The following CEP57L1 variants were observed in gnomAD, a reference collection of about 807,000 sequenced individuals.
CEP57L1 encodes centrosomal protein CEP57L1.
In CEP57L1, 37 loss-of-function variants were observed where a neutral mutation model predicts 61.0. The ratio of observed to expected loss-of-function variants is 0.61; its 90% CI spans 0.47 to 0.80. The LOEUF (loss-of-function observed/expected upper bound fraction) is 0.80. Among genes scored for constraint, CEP57L1 ranks in the 30% least tolerant of loss-of-function variants. The pLI is 0.00. For missense variants in CEP57L1, 422 were observed against 524.7 expected (o/e 0.80, Z 1.91); for synonymous variants, 137 against 162.3 (o/e 0.84, Z 1.19).
At chr6:109,134,648 G>C (rs1162117516) in intron 1 of CEP57L1, among the ~76,000 whole-genome samples, 2 of 152,222 alleles carry the variant, frequency 1.3e-5, no homozygotes, top group Non-Finnish European at 2.9e-5. Flanking sequence ...TGACATGATT[G>C]TATATGTAGA....
chr6:109,148,188 T>C (rs2114881754), intron 3 of CEP57L1, among the ~76,000 whole-genome samples: 1 of 152,234 alleles, frequency 6.6e-6, no homozygotes, highest in African/African-American at 2.4e-5. Flanking sequence ...TACATATGTA[T>C]ACATGTGCCA....
At position 109,159,375 on chromosome 6, in the gene CEP57L1, C is replaced by T. The variant is rs1261593162; in HGVS notation, c.929C>T (p.Pro310Leu). 6.2e-6 allele frequency: 10 copies of T among 1,613,896 alleles called. No homozygotes were observed. In the Admixed American group the frequency reaches 1.2e-4, roughly 19 times the overall value. ...SRTTSWCKAI[P>L]PDSEKSISIC... Reference sequence around the variant, plus strand: ...ACAACTTCCTGGTGTAAAGCTATTCCTCCTGACTCAGAAAAGTCCATTTCC... The same window carrying T: ...ACAACTTCCTGGTGTAAAGCTATTCTTCCTGACTCAGAAAAGTCCATTTCC... Residue 310 changes from proline to leucine, a missense_variant, in exon 9 of 11, where the codon CCT becomes CTT. Physicochemically the swap from Pro to Leu is moderately conservative, Grantham distance 98 (BLOSUM62 -3). Transcript: ENST00000517392.
rs555133684 is a variant in CEP57L1, at chr6:109,128,142, T to C, written c.-3-17077T>C. Among the ~76,000 whole-genome samples, 4 of 152,282 alleles carry C rather than the reference T, an allele frequency of 2.6e-5. No homozygotes were observed. The South Asian group carries it at 8.3e-4, about 32-fold the overall frequency. On this transcript the variant is annotated intron_variant, in intron 1 of 10. Coordinates refer to ENST00000517392, the MANE Select transcript of CEP57L1 (RefSeq NM_001271852.3). ...TCTAGATCTAGCCTAAATGCTCACC[T>C]AACCTCCAGATTCATATTTCAGTCT...
chr6:109,146,044 T>C (rs552531517), intron 2 of CEP57L1, among the ~76,000 whole-genome samples: 10 of 151,974 alleles, frequency 6.6e-5, no homozygotes, highest in South Asian at 6.2e-4. Flanking sequence ...GCTACAGATA[T>C]CATGTAAAGA....
chr6:109,118,227 G>A (rs1347347022), intron 1 of CEP57L1, among the ~76,000 whole-genome samples: 3 of 152,198 alleles, frequency 2.0e-5, no homozygotes, highest in Admixed American at 6.5e-5. Flanking sequence ...AGTAGAGACA[G>A]GGTTTCACCA....
chr6:109,141,121 C>T (rs954333356), intron 1 of CEP57L1, among the ~76,000 whole-genome samples: 4 of 151,950 alleles, frequency 2.6e-5, no homozygotes, highest in African/African-American at 4.8e-5. Context: ...TGAGCCACCG[C>T]GCCCAGCTGC....
chr6:109,126,187 G>A lies in CEP57L1; in HGVS notation c.-3-19032G>A, dbSNP rs116600098. Among the ~76,000 whole-genome samples, 1,260 of 152,250 alleles carry A rather than the reference G, an allele frequency of 8.3e-3. 24 individuals carry two copies. The highest frequency in any genetic ancestry group is 0.029 in the African/African-American group (1,209 of 41,546). On this transcript the variant is annotated intron_variant, in intron 1 of 10. Coordinates refer to ENST00000517392, the MANE Select transcript of CEP57L1 (RefSeq NM_001271852.3). The stretch of plus-strand genomic sequence containing the variant: ...TTTGGATTGTGGAGACTTACAGAAA[G>A]AATAAACATAATTGCCCTTTCTGAG...
At chr6:109,157,650 G>A (rs1351331187) in intron 7 of CEP57L1, 2 of 152,160 alleles carry the variant, frequency 1.3e-5, no homozygotes, top group Admixed American at 6.5e-5. Flanking sequence ...GTGGGGGTGA[G>A]ATGGGATCAT....
chr6:109,127,029 G>A (rs576109309), intron 1 of CEP57L1, among the ~76,000 whole-genome samples: 3 of 152,232 alleles, frequency 2.0e-5, no homozygotes, highest in Non-Finnish European at 2.9e-5. Context: ...AGCTGGGCAC[G>A]GTGGCGCACG....
At chr6:109,140,385 TTA>T (rs1690734017) in intron 1 of CEP57L1, 1 of 150,642 alleles carries the variant, frequency 6.6e-6, no homozygotes, top group African/African-American at 2.4e-5. Context: ...TTTATAATTT[TTA>T]TATGTTGTAT....
chr6:109,105,520 TGTATCA>T (rs969676579), intron 1 of CEP57L1, among the ~76,000 whole-genome samples: 1 of 152,204 alleles, frequency 6.6e-6, no homozygotes, highest in African/African-American at 2.4e-5. Flanking sequence ...TCTTTTCTTT[TGTATCA>T]GTCCCTTTTG....
chr6:109,151,448 T>G (rs1772606006), intron 4 of CEP57L1, among the ~76,000 whole-genome samples: 1 of 152,184 alleles, frequency 6.6e-6, no homozygotes. Flanking sequence ...ACATGTAATG[T>G]AGGATCCTCT....
At chr6:109,116,797 C>T (rs1772360346) in intron 1 of CEP57L1, among the ~76,000 whole-genome samples, 1 of 152,098 alleles carries the variant, frequency 6.6e-6, no homozygotes, top group South Asian at 2.1e-4. Context: ...TTTGACCTAA[C>T]AACACAATTG....
chr6:109,119,849 A>G (rs1715700989), intron 1 of CEP57L1, among the ~76,000 whole-genome samples: 1 of 152,170 alleles, frequency 6.6e-6, no homozygotes, highest in Admixed American at 6.5e-5. Context: ...CCTATTGGAG[A>G]CATTAGGATT....
intron 1 of CEP57L1, among the ~76,000 whole-genome samples, chr6:109,109,508 A>C (rs536388047): frequency 6.6e-6 from 1 of 152,244 alleles, no homozygotes; most frequent in East Asian, 1.9e-4. Context: ...TGGGTTGTAG[A>C]TCTATAACAT....
At chr6:109,138,321 C>A (rs1001586670) in intron 1 of CEP57L1, among the ~76,000 whole-genome samples, 1 of 151,798 alleles carries the variant, frequency 6.6e-6, no homozygotes, top group Non-Finnish European at 1.5e-5. Context: ...GAATCTCTTA[C>A]AATAATCTAG....
At chr6:109,098,170 G>A (rs920403738) in intron 1 of CEP57L1, among the ~76,000 whole-genome samples, 2 of 151,752 alleles carry the variant, frequency 1.3e-5, no homozygotes, top group African/African-American at 2.4e-5. Context: ...CTGTCTCAAC[G>A]GAGTTTTGCT....
intron 1 of CEP57L1, among the ~76,000 whole-genome samples, chr6:109,125,431 A>C (rs1468547538): frequency 6.6e-6 from 1 of 151,162 alleles, no homozygotes; most frequent in Non-Finnish European, 1.5e-5. Flanking sequence ...GGAAAAAAAA[A>C]TGTAAAGGCC....
chr6:109,146,569 A>G (rs972865446), intron 2 of CEP57L1, among the ~76,000 whole-genome samples, 189 bp from the exon 3 acceptor site: 1 of 152,044 alleles, frequency 6.6e-6, no homozygotes, highest in African/African-American at 2.4e-5. Context: ...TTTACAAGAT[A>G]TATTAGAGAG....
Sources: gnomAD v4.1 joint callset for allele counts (sites outside exome capture counted in the v4.1 genomes callset) on GRCh38, gnomAD v4.1.1 for gene constraint, MANE v1.5 for transcripts, NCBI Gene and HGNC (gene_info 2026-07-23, HGNC 2026-07-21) for gene names.